GALM: variants seen among roughly 807,000 people sequenced by gnomAD.
GALM encodes the protein aldose 1-epimerase.
Under a neutral mutation model 37.4 loss-of-function variants are expected in GALM, and 43 were observed. The observed-to-expected ratio is 1.15, with a 90% confidence interval of 0.90 to 1.48. The LOEUF (loss-of-function observed/expected upper bound fraction) is 1.48, where lower values mean the gene tolerates loss of function less well. GALM is among the 40% of genes most tolerant of loss of function. The pLI, the probability that GALM is intolerant of heterozygous loss-of-function variation, is 0.00. For synonymous variants in GALM, 199 were observed against 170.6 expected (o/e 1.17, Z -1.30); for missense variants, 456 against 419.1 (o/e 1.09, Z -0.77).
In GALM at chr2:38,689,853, C is replaced by G; in HGVS notation, c.593C>G (p.Ala198Gly). 2 of 1,611,992 alleles carry G rather than the reference C, an allele frequency of 1.2e-6. No homozygotes were observed. Among genetic ancestry groups the G allele is most frequent in the Admixed American group, 3.3e-5 (2 of 59,872 alleles). The change falls in exon 4 of 7, where the codon GCG becomes GGG. Residue 198 changes from alanine to glycine, a missense_variant. Ala to Gly is a moderately conservative substitution (Grantham distance 60). Coordinates refer to ENST00000272252, the MANE Select transcript of GALM (RefSeq NM_138801.3). ...AATGACCATGAAGTCACCATAGAAGCGGATACTTATTTGCCTGTGGATGAA... is the reference window on the plus strand; with the variant it reads ...AATGACCATGAAGTCACCATAGAAGGGGATACTTATTTGCCTGTGGATGAA... ...NINDHEVTIEADTYLPVDETL... is the reference protein window; with the variant it reads ...NINDHEVTIEGDTYLPVDETL...
intron 4 of GALM, among the ~76,000 whole-genome samples, chr2:38,706,935 G>A (rs1329260540): frequency 1.3e-5 from 2 of 151,986 alleles, no homozygotes; most frequent in East Asian, 3.9e-4. Context: ...CAAATTAAGG[G>A]TCAGGTGGAA....
chr2:38,724,591 G>A (rs1666448532), intron 4 of GALM, among the ~76,000 whole-genome samples: 1 of 152,202 alleles, frequency 6.6e-6, no homozygotes, highest in African/African-American at 2.4e-5. Flanking sequence ...GTCAGTGCAT[G>A]AGGATGGACA....
intron 4 of GALM, among the ~76,000 whole-genome samples, chr2:38,729,078 C>A (rs7581263): frequency 6.6e-6 from 1 of 151,986 alleles, no homozygotes; most frequent in African/African-American, 2.4e-5. Context: ...ATACTTAAAT[C>A]ATTAGATACT....
At chr2:38,731,938 A>G (rs2148460875) in intron 6 of GALM, 29 bp downstream of exon 6, 2 of 1,596,726 alleles carry the variant, frequency 1.3e-6, no homozygotes, top group East Asian at 2.2e-5. Flanking sequence ...TTTTCAGAGT[A>G]GAGTTGTGTC....
intron 4 of GALM, among the ~76,000 whole-genome samples, chr2:38,725,471 G>C (rs1388422044): frequency 6.6e-6 from 1 of 152,056 alleles, no homozygotes; most frequent in Non-Finnish European, 1.5e-5. Context: ...GGCAGGTCGA[G>C]GCTGCATTGA....
At chr2:38,690,685 A>G (rs1426785919) in intron 4 of GALM, among the ~76,000 whole-genome samples, 1 of 152,126 alleles carries the variant, frequency 6.6e-6, no homozygotes, top group Non-Finnish European at 1.5e-5. Context: ...TGCCCGCCTC[A>G]GCCTCTCAGA....
At chr2:38,721,717 G>C (rs61232530) in intron 4 of GALM, among the ~76,000 whole-genome samples, 2 of 151,984 alleles carry the variant, frequency 1.3e-5, no homozygotes, top group African/African-American at 4.8e-5. Context: ...GATCTCACCA[G>C]GTTGCCCAGG....
chr2:38,682,897 TAA>T (rs70954743), intron 3 of GALM, among the ~76,000 whole-genome samples: 33 of 135,530 alleles, frequency 2.4e-4, no homozygotes, highest in East Asian at 4.2e-4. Context: ...ACTCCGTCTT[TAA>T]AAAAAAAAAA....
At chr2:38,731,556 G>A (rs1666610625) in intron 5 of GALM, among the ~76,000 whole-genome samples, 179 bp from the exon 6 acceptor site, 1 of 152,052 alleles carries the variant, frequency 6.6e-6, no homozygotes, top group Non-Finnish European at 1.5e-5. Context: ...ACCTGCTCAT[G>A]CCTTGCCTTT....
chr2:38,683,553 T>G (rs1665450454), intron 3 of GALM, among the ~76,000 whole-genome samples: 1 of 140,852 alleles, frequency 7.1e-6, no homozygotes, highest in African/African-American at 3.3e-5. Flanking sequence ...TTGGAGCATT[T>G]CAGATTTTAG....
At chr2:38,718,108 A>T (rs543001313) in intron 4 of GALM, among the ~76,000 whole-genome samples, 1 of 151,696 alleles carries the variant, frequency 6.6e-6, no homozygotes, top group South Asian at 2.1e-4. Flanking sequence ...GAGTGCTGAG[A>T]TTACAGGTGT....
chr2:38,702,928 CTTTTTATATATAT>C (rs1558588540), intron 4 of GALM, among the ~76,000 whole-genome samples: 2 of 119,908 alleles, frequency 1.7e-5, no homozygotes, highest in African/African-American at 6.4e-5. Flanking sequence ...TATATATATA[CTTTTTATATATAT>C]ATATATATAA....
At chr2:38,667,328 C>T (rs1249540482) in intron 1 of GALM, among the ~76,000 whole-genome samples, 1 of 152,058 alleles carries the variant, frequency 6.6e-6, no homozygotes, top group Non-Finnish European at 1.5e-5. Context: ...TCTTCCGATA[C>T]GTAAGATATG....
chr2:38,690,047 G>A (rs143589125), intron 4 of GALM, among the ~76,000 whole-genome samples, 153 bp downstream of exon 4: 1 of 152,196 alleles, frequency 6.6e-6, no homozygotes, highest in Non-Finnish European at 1.5e-5. Flanking sequence ...GTTTTGATAT[G>A]TGTACTGTGT....
At chr2:38,699,864 A>T (rs1665881113) in intron 4 of GALM, among the ~76,000 whole-genome samples, 1 of 152,112 alleles carries the variant, frequency 6.6e-6, no homozygotes, top group African/African-American at 2.4e-5. Context: ...TCTATTCTGG[A>T]AAATGTTTCT....
At chr2:38,722,040 A>ACCCCC (rs1178141610) in intron 4 of GALM, among the ~76,000 whole-genome samples, 1 of 53,436 alleles carries the variant, frequency 1.9e-5, no homozygotes, top group African/African-American at 6.0e-5. Context: ...TCCCCCCCCC[A>ACCCCC]CCCCCCCCCC....
Position 38,733,591 on chromosome 2 carries a change from C to CAGGGCT in GALM, c.*30_*35dup. On this transcript the variant is annotated 3_prime_UTR_variant, in exon 7 of 7. Transcript: ENST00000272252. ...GGAAGTGTGAAGATATGATCCAGTC[C>CAGGGCT]AGGGCTAGGCTCAGCCACCTGTCTC... 6.4e-7 allele frequency: 1 copy of CAGGGCT among 1,554,832 alleles called. No individual in the cohort carries two copies. Among genetic ancestry groups the CAGGGCT allele is most frequent in the Admixed American group, 1.7e-5 (1 of 59,936 alleles).
chr2:38,723,573 G>C (rs1455751472), intron 4 of GALM, among the ~76,000 whole-genome samples: 1 of 152,158 alleles, frequency 6.6e-6, no homozygotes, highest in East Asian at 1.9e-4. Flanking sequence ...AGGATCACTT[G>C]AAGCCAGGAG....
chr2:38,676,138 T>A (rs1283486288), intron 2 of GALM, 72 bp downstream of exon 2: 1 of 1,475,968 alleles, frequency 6.8e-7, no homozygotes, highest in African/African-American at 1.4e-5. Flanking sequence ...CCAGGCACAG[T>A]CATAGGCCCT....
Sources: gnomAD v4.1 joint callset for allele counts (sites outside exome capture counted in the v4.1 genomes callset) on GRCh38, gnomAD v4.1.1 for gene constraint, MANE v1.5 for transcripts, NCBI Gene and HGNC (gene_info 2026-07-23, HGNC 2026-07-21) for gene names.